Variants in NCOA2 observed in about 807,000 individuals in gnomAD.
The protein encoded by NCOA2 is class E basic helix-loop-helix protein 75.
NCOA2 carries 21 observed loss-of-function variants against 145.1 expected under a neutral mutation model. The observed-to-expected ratio is 0.14, with a 90% CI of 0.10 to 0.21. The LOEUF is 0.21. Among genes scored for constraint, NCOA2 ranks in the 10% least tolerant of loss-of-function variants. The pLI is 1.00. For synonymous variants in NCOA2, 619 were observed against 637.5 expected (o/e 0.97, Z 0.44); for missense variants, 1,472 against 1,837.6 (o/e 0.80, Z 3.64).
chr8:70,249,062 G>C (rs1822870748), intron 2 of NCOA2, among the ~76,000 whole-genome samples: 2 of 152,052 alleles, frequency 1.3e-5, no homozygotes, highest in Non-Finnish European at 2.9e-5. Context: ...AAATATGACA[G>C]ATGTTTTTAC....
intron 1 of NCOA2, among the ~76,000 whole-genome samples, chr8:70,301,117 G>A (rs1827455652): frequency 6.6e-6 from 1 of 152,078 alleles, no homozygotes; most frequent in Non-Finnish European, 1.5e-5. Flanking sequence ...TGCTATTTTT[G>A]CCAACTTGAT....
chr8:70,166,068 C>A (rs1563555913), intron 7 of NCOA2, among the ~76,000 whole-genome samples: 2 of 152,104 alleles, frequency 1.3e-5, no homozygotes, highest in South Asian at 4.1e-4. Context: ...GTGATCCACC[C>A]GCCTCAGTCT....
the NCOA2 span, among the ~76,000 whole-genome samples, chr8:70,447,677 G>GT: frequency 2.1e-5 from 2 of 94,658 alleles, no homozygotes; most frequent in Admixed American, 9.5e-5. Flanking sequence ...TTAGGTCTTT[G>GT]TTTTCTTTTT....
At chr8:70,172,983 G>A (rs1038576187) in intron 5 of NCOA2, among the ~76,000 whole-genome samples, 1 of 152,106 alleles carries the variant, frequency 6.6e-6, no homozygotes, top group East Asian at 1.9e-4. Flanking sequence ...AGCTCCATGA[G>A]AACATGTTCT....
chr8:70,407,856 CTCCCT>C (rs1316342800), upstream of NCOA2, among the ~76,000 whole-genome samples: 3 of 152,076 alleles, frequency 2.0e-5, no homozygotes, highest in African/African-American at 7.2e-5. Flanking sequence ...AATGAATGGG[CTCCCT>C]TCAAGTCATA....
At chr8:70,215,737 CT>C (rs1223137507) in intron 3 of NCOA2, among the ~76,000 whole-genome samples, 2 of 152,074 alleles carry the variant, frequency 1.3e-5, no homozygotes, top group Non-Finnish European at 2.9e-5. Flanking sequence ...AAAAGTCTCT[CT>C]TCTACTTTTG....
intron 2 of NCOA2, among the ~76,000 whole-genome samples, chr8:70,275,111 A>C (rs974056577): frequency 1.3e-5 from 2 of 152,230 alleles, no homozygotes; most frequent in East Asian, 3.8e-4. Flanking sequence ...GATTATTTTA[A>C]ATGAGCAGAT....
At chr8:70,276,533 G>A (rs1187461943) in intron 2 of NCOA2, among the ~76,000 whole-genome samples, 1 of 152,142 alleles carries the variant, frequency 6.6e-6, no homozygotes, top group Non-Finnish European at 1.5e-5. Context: ...GAATTGGGAG[G>A]TGGTTTCCCC....
the NCOA2 span, among the ~76,000 whole-genome samples, chr8:70,451,278 C>A: frequency 1.5e-5 from 2 of 137,886 alleles, no homozygotes; most frequent in Non-Finnish European, 3.1e-5. Flanking sequence ...CATGGCAGCA[C>A]GCACCTGTAG....
chr8:70,336,628 G>A (rs191579380), intron 1 of NCOA2, among the ~76,000 whole-genome samples: 2 of 152,112 alleles, frequency 1.3e-5, no homozygotes, highest in African/African-American at 2.4e-5. Flanking sequence ...GAGAAAGAGA[G>A]AGAGAAAACG....
At chr8:70,203,133 T>A (rs1190758771) in intron 4 of NCOA2, among the ~76,000 whole-genome samples, 1 of 152,022 alleles carries the variant, frequency 6.6e-6, no homozygotes. Flanking sequence ...CATGATGGCA[T>A]GTGCCTGTAG....
intron 2 of NCOA2, among the ~76,000 whole-genome samples, chr8:70,251,618 T>C (rs1021743940): frequency 6.6e-6 from 1 of 152,244 alleles, no homozygotes; most frequent in Non-Finnish European, 1.5e-5. Flanking sequence ...ATGAGAACCC[T>C]AATGGTCTAT....
rs1329535488 is a variant in NCOA2 at position 70,163,460 on chromosome 8, T to C, written c.832+5A>G. ...CCTTTGGTCTTCTTTGGAGAGGAAA[T>C]TTACCTTGGAGATCCTGGCGAGTAG... On this transcript the variant is annotated splice_donor_5th_base_variant and intron_variant, in intron 8 of 22. Coordinates refer to ENST00000452400, the MANE Select transcript of NCOA2 (RefSeq NM_006540.4). The C allele has an allele frequency of 6.2e-7, 1 of 1,607,150 alleles. No individual in the cohort carries two copies. The highest frequency in any genetic ancestry group is 1.7e-5 in the Admixed American group (1 of 59,828).
chr8:70,164,476 C>T (rs1813396419), intron 7 of NCOA2, among the ~76,000 whole-genome samples: 3 of 152,040 alleles, frequency 2.0e-5, no homozygotes, highest in African/African-American at 7.3e-5. Flanking sequence ...TTTTTCTTTG[C>T]TCCTGCTGCT....
At chr8:70,402,727 A>C (rs1190372634) in intron 1 of NCOA2, 7 of 152,176 alleles carry the variant, frequency 4.6e-5, no homozygotes, top group Admixed American at 2.0e-4. Flanking sequence ...GAAGGGGGCG[A>C]GAAAAGGGGG....
intron 9 of NCOA2, 30 bp downstream of exon 9, chr8:70,162,681 A>C: frequency 6.3e-7 from 1 of 1,589,224 alleles, no homozygotes; most frequent in South Asian, 1.1e-5. Flanking sequence ...GGAAGCAATA[A>C]TTTAAGAAAA....
the NCOA2 span, among the ~76,000 whole-genome samples, chr8:70,449,901 G>A: frequency 7.7e-3 from 1,166 of 152,342 alleles, 14 homozygotes; most frequent in African/African-American, 0.026. Flanking sequence ...GCTAATTTCC[G>A]GTTGGGACAG....
intron 2 of NCOA2, among the ~76,000 whole-genome samples, chr8:70,242,359 A>T (rs936594248): frequency 2.0e-5 from 3 of 152,264 alleles, no homozygotes; most frequent in Admixed American, 6.5e-5. Flanking sequence ...CTTTAACATT[A>T]AAATAATGCA....
chr8:70,448,902 T>C, the NCOA2 span, among the ~76,000 whole-genome samples: 5 of 151,806 alleles, frequency 3.3e-5, no homozygotes, highest in Non-Finnish European at 5.9e-5. Context: ...TCTCCTGGAC[T>C]CGAGAGACCC....
Sources: allele counts gnomAD v4.1 joint callset (sites outside exome capture counted in the v4.1 genomes callset), GRCh38; gene constraint gnomAD v4.1.1; transcripts MANE v1.5; gene names NCBI Gene and HGNC (gene_info 2026-07-23, HGNC 2026-07-21).